The following EPB41L4A variants were observed in gnomAD, a reference collection of about 807,000 sequenced individuals.
EPB41L4A encodes band 4.1-like protein 4A.
In EPB41L4A, 100 loss-of-function variants were observed where a neutral mutation model predicts 108.6. That is an observed-to-expected ratio of 0.92 (90% CI 0.78 to 1.09). The LOEUF is 1.09. Ranked by LOEUF, EPB41L4A falls within the 50% of genes least tolerant of loss-of-function variation. The pLI is 0.00. For missense variants in EPB41L4A, 1,030 were observed against 842.7 expected (o/e 1.22, Z -2.75); for synonymous variants, 319 against 289.0 (o/e 1.10, Z -1.05).
Position 112,407,853 on chromosome 5 carries a change from C to A in EPB41L4A, c.99+11088G>T, listed in dbSNP as rs1762159424. On this transcript the variant is annotated intron_variant, in intron 1 of 22. Coordinates refer to ENST00000261486, the MANE Select transcript of EPB41L4A (RefSeq NM_022140.5). ...CAATCAGTCTTTTGACAAATATTTA[C>A]TGAGCACCACCACGTGCCTGGCATT... Among the ~76,000 whole-genome samples, 2 of 152,350 alleles carry A rather than the reference C, an allele frequency of 1.3e-5. 1 individual carries two copies. Among genetic ancestry groups the A allele is most frequent in the Non-Finnish European group, 2.9e-5 (2 of 68,018 alleles).
At chr5:112,378,822 G>T (rs115253426) in intron 1 of EPB41L4A, among the ~76,000 whole-genome samples, 25 of 152,310 alleles carry the variant, frequency 1.6e-4, no homozygotes, top group Non-Finnish European at 2.9e-4. Flanking sequence ...GAGGAAACAT[G>T]GGCTGTTTGA....
intron 18 of EPB41L4A, among the ~76,000 whole-genome samples, chr5:112,177,857 T>C (rs1760949035): frequency 6.7e-6 from 1 of 148,930 alleles, no homozygotes; most frequent in Non-Finnish European, 1.5e-5. Flanking sequence ...TAAAATGGAG[T>C]ATCAAAAAAT....
intron 12 of EPB41L4A, among the ~76,000 whole-genome samples, chr5:112,211,179 G>A (rs1457063924): frequency 6.6e-6 from 1 of 152,192 alleles, no homozygotes; most frequent in Non-Finnish European, 1.5e-5. Context: ...AAGATGGGCA[G>A]TCTGGCTCCA....
intron 18 of EPB41L4A, among the ~76,000 whole-genome samples, chr5:112,181,742 T>C (rs1021596992): frequency 2.6e-5 from 4 of 152,194 alleles, no homozygotes; most frequent in African/African-American, 9.6e-5. Flanking sequence ...ATTACATTTA[T>C]ATGAAGTTCG....
intron 2 of EPB41L4A, among the ~76,000 whole-genome samples, chr5:112,301,668 C>A (rs1754370023): frequency 6.6e-6 from 1 of 152,192 alleles, no homozygotes; most frequent in South Asian, 2.1e-4. Context: ...TCTCTACACA[C>A]TGCACGATCC....
upstream of EPB41L4A, chr5:112,419,699 C>T (rs945589870): frequency 3.5e-5 from 16 of 456,596 alleles, no homozygotes; most frequent in African/African-American, 2.6e-4. Context: ...GCTACCCCGT[C>T]CCCCAGCCGC....
chr5:112,227,274 C>T (rs1288353983), intron 12 of EPB41L4A, among the ~76,000 whole-genome samples: 1 of 152,142 alleles, frequency 6.6e-6, no homozygotes, highest in Non-Finnish European at 1.5e-5. Flanking sequence ...CTCTCAAAAG[C>T]CCACAGCACC....
intron 1 of EPB41L4A, among the ~76,000 whole-genome samples, chr5:112,405,350 C>A (rs1165612749): frequency 6.6e-6 from 1 of 152,172 alleles, no homozygotes; most frequent in Non-Finnish European, 1.5e-5. Flanking sequence ...AGACCTGGAA[C>A]CAGAATCCTC....
intron 11 of EPB41L4A, among the ~76,000 whole-genome samples, chr5:112,237,974 T>C (rs1379755929): frequency 2.0e-5 from 3 of 152,222 alleles, no homozygotes; most frequent in Non-Finnish European, 4.4e-5. Flanking sequence ...ATACTTAATA[T>C]GCAAAATCCA....
chr5:112,319,409 T>C (rs956040989), intron 1 of EPB41L4A, among the ~76,000 whole-genome samples: 1 of 152,164 alleles, frequency 6.6e-6, no homozygotes, highest in Non-Finnish European at 1.5e-5. Context: ...GTAGAAGGAA[T>C]GACAGAATAA....
At chr5:112,383,882 C>T (rs1248828987) in intron 1 of EPB41L4A, among the ~76,000 whole-genome samples, 1 of 152,030 alleles carries the variant, frequency 6.6e-6, no homozygotes, top group East Asian at 1.9e-4. Context: ...ATTTGTATAT[C>T]TCAAGATAAA....
Position 112,279,230 on chromosome 5 carries a change from G to C in EPB41L4A, c.256+1042C>G, listed in dbSNP as rs145321707. Among the ~76,000 whole-genome samples the C allele has an allele frequency of 4.6e-3, 703 of 152,216 alleles. 1 individual carries two copies. The highest frequency in any genetic ancestry group is 7.6e-3 in the Non-Finnish European group (518 of 68,006). On this transcript the variant is annotated intron_variant, in intron 3 of 22. Transcript: ENST00000261486. ...AACAACAATGATGCTGACATTCATA[G>C]AAACAGGACTTTCGGATGGCTTTGC...
chr5:112,398,240 C>A (rs1761498878), intron 1 of EPB41L4A, among the ~76,000 whole-genome samples: 2 of 152,156 alleles, frequency 1.3e-5, no homozygotes. Flanking sequence ...TCAGAAAACA[C>A]AAGGGAAATT....
chr5:112,314,187 C>G (rs1755255724), intron 1 of EPB41L4A, among the ~76,000 whole-genome samples: 6 of 151,888 alleles, frequency 4.0e-5, no homozygotes, highest in Admixed American at 2.6e-4. Flanking sequence ...TGAATTATTC[C>G]TGAGCCTTTT....
intron 15 of EPB41L4A, among the ~76,000 whole-genome samples, chr5:112,200,970 A>G (rs1762191110): frequency 6.6e-6 from 1 of 152,228 alleles, no homozygotes; most frequent in Admixed American, 6.5e-5. Context: ...ATAATTTCCT[A>G]TTATTAAATT....
intron 1 of EPB41L4A, among the ~76,000 whole-genome samples, chr5:112,342,939 C>A (rs1025693969): frequency 6.6e-6 from 1 of 152,140 alleles, no homozygotes; most frequent in African/African-American, 2.4e-5. Flanking sequence ...TTGGATAGAA[C>A]GGTTTCTAAA....
upstream of EPB41L4A, chr5:112,419,357 G>C: frequency 1.2e-5 from 4 of 326,608 alleles, no homozygotes; most frequent in Non-Finnish European, 2.3e-5. Flanking sequence ...GGCCCCTCCC[G>C]CAGTCCTGGG....
At chr5:112,272,293 G>A (rs1005012949) in intron 4 of EPB41L4A, among the ~76,000 whole-genome samples, 4 of 151,428 alleles carry the variant, frequency 2.6e-5, no homozygotes, top group South Asian at 2.1e-4. Flanking sequence ...GGTGCCCGCC[G>A]CCACGCGCAG....
At chr5:112,147,721 T>G (rs999524615) in intron 12 of EPB41L4A, among the ~76,000 whole-genome samples, 1 of 146,850 alleles carries the variant, frequency 6.8e-6, no homozygotes, top group Non-Finnish European at 1.5e-5. Context: ...ACCCCCAAAA[T>G]AAGAAAAAAA....
Sources: allele counts gnomAD v4.1 joint callset (sites outside exome capture counted in the v4.1 genomes callset), GRCh38; gene constraint gnomAD v4.1.1; transcripts MANE v1.5; gene names NCBI Gene and HGNC (gene_info 2026-07-23, HGNC 2026-07-21).